Variants in DAB1 observed in about 807,000 individuals in gnomAD.
DAB1 encodes disabled homolog 1.
Under a neutral mutation model 64.6 loss-of-function variants are expected in DAB1, and 15 were observed. The ratio of observed to expected loss-of-function variants is 0.23; its 90% CI spans 0.16 to 0.36. The LOEUF (loss-of-function observed/expected upper bound fraction) is 0.36. DAB1 is among the 10% of genes least tolerant of loss of function. DAB1 has a pLI of 1.00. For synonymous variants in DAB1, 235 were observed against 251.9 expected (o/e 0.93, Z 0.64); for missense variants, 596 against 706.7 (o/e 0.84, Z 1.78).
chr1:57,941,257 T>C (rs1044809616), intron 5 of DAB1, among the ~76,000 whole-genome samples: 1 of 152,222 alleles, frequency 6.6e-6, no homozygotes, highest in Admixed American at 6.5e-5. Context: ...AGATGGTCCA[T>C]AGTTTATAAG....
chr1:57,428,900 TG>T (rs140125107), upstream of DAB1, among the ~76,000 whole-genome samples: 4,947 of 147,506 alleles, frequency 0.034, 141 homozygotes, highest in Non-Finnish European at 0.049. Flanking sequence ...TGATTTTTTT[TG>T]TTGTTGTTGT....
At chr1:58,195,253 G>C (rs939502957) in intron 4 of DAB1, among the ~76,000 whole-genome samples, 4 of 152,146 alleles carry the variant, frequency 2.6e-5, no homozygotes, top group Non-Finnish European at 5.9e-5. Flanking sequence ...GCCCAAAAAT[G>C]AATGCAACGA....
At chr1:57,018,830 A>C (rs1046179608) in intron 11 of DAB1, among the ~76,000 whole-genome samples, 1 of 152,072 alleles carries the variant, frequency 6.6e-6, no homozygotes, top group East Asian at 1.9e-4. Flanking sequence ...CCACCTCTTC[A>C]TCACTATCTT....
At chr1:57,218,513 TCTAAAAAA>T (rs1666597744) in intron 2 of DAB1, among the ~76,000 whole-genome samples, 1 of 68,342 alleles carries the variant, frequency 1.5e-5, no homozygotes, top group Non-Finnish European at 2.3e-5. Flanking sequence ...GACCCCCATC[TCTAAAAAA>T]AAAAAAAAAA....
At chr1:57,084,257 G>A (rs1458376356) in intron 4 of DAB1, among the ~76,000 whole-genome samples, 1 of 152,096 alleles carries the variant, frequency 6.6e-6, no homozygotes, top group African/African-American at 2.4e-5. Flanking sequence ...TGGAGAGAAG[G>A]CCATATACAG....
chr1:57,632,756 T>A (rs1646006173), intron 7 of DAB1, among the ~76,000 whole-genome samples: 1 of 152,156 alleles, frequency 6.6e-6, no homozygotes, highest in Non-Finnish European at 1.5e-5. Context: ...TTATTTAGAA[T>A]GGAGTAAAAT....
At chr1:57,268,415 A>C (rs1670745267) in intron 2 of DAB1, among the ~76,000 whole-genome samples, 1 of 152,244 alleles carries the variant, frequency 6.6e-6, no homozygotes, top group South Asian at 2.1e-4. Context: ...ATATAATGTC[A>C]CTAGAAAATC....
intron 5 of DAB1, among the ~76,000 whole-genome samples, chr1:57,918,807 G>A (rs958009266): frequency 6.6e-6 from 1 of 151,964 alleles, no homozygotes; most frequent in African/African-American, 2.4e-5. Context: ...CTGGTCGACA[G>A]AGCGAGACTC....
At chr1:58,232,476 TACACACACACACACACACACAC>T (rs58863239) in intron 4 of DAB1, among the ~76,000 whole-genome samples, 6 of 144,132 alleles carry the variant, frequency 4.2e-5, no homozygotes, top group Admixed American at 7.0e-5. Flanking sequence ...TCTGAGTGAA[TACACACACACACACACACACAC>T]ACACACACAC....
intron 9 of DAB1, chr1:57,033,362 T>A: frequency 1.2e-6 from 2 of 1,612,240 alleles, no homozygotes; most frequent in Non-Finnish European, 1.7e-6. Flanking sequence ...ACAACCTAAT[T>A]TAACACAAAC....
intron 1 of DAB1, among the ~76,000 whole-genome samples, chr1:57,375,503 C>T (rs544084485): frequency 8.5e-5 from 13 of 152,240 alleles, no homozygotes; most frequent in East Asian, 3.9e-4. Flanking sequence ...AGCTCTTTTA[C>T]GTAGATTAAA....
intron 7 of DAB1, among the ~76,000 whole-genome samples, chr1:57,608,489 C>T (rs1645687755): frequency 1.3e-5 from 2 of 152,174 alleles, no homozygotes; most frequent in South Asian, 2.1e-4. Flanking sequence ...TTTGAATCCT[C>T]ATATCTGAAA....
chr1:57,050,681 T>G (rs1230540389), intron 9 of DAB1, among the ~76,000 whole-genome samples: 1 of 152,224 alleles, frequency 6.6e-6, no homozygotes, highest in Admixed American at 6.5e-5. Context: ...TCCCACACTA[T>G]GCTCTCATAG....
In DAB1 at chr1:57,969,333, T is replaced by C. The variant is rs559216637; in HGVS notation, n.388-85171A>G. Among the ~76,000 whole-genome samples, 5 of 152,174 alleles carry C rather than the reference T, an allele frequency of 3.3e-5. No homozygotes were observed. The East Asian group carries it at 9.7e-4, about 29-fold the overall frequency. On this transcript the variant is annotated intron_variant and non_coding_transcript_variant, in intron 5 of 20. Transcript: ENST00000485760. Reference sequence around the variant, plus strand: ...TGTTAATATATGTATGTTTTTAAAATTTACTTTTATTTATATATATATTTT... The same window carrying C: ...TGTTAATATATGTATGTTTTTAAAACTTACTTTTATTTATATATATATTTT...
intron 3 of DAB1, among the ~76,000 whole-genome samples, chr1:58,349,971 C>G (rs942735180): frequency 4.6e-5 from 7 of 152,016 alleles, no homozygotes; most frequent in African/African-American, 1.7e-4. Context: ...GGGTATATAC[C>G]CAGTAATGGG....
intron 7 of DAB1, among the ~76,000 whole-genome samples, chr1:57,609,752 G>A (rs1645703500): frequency 6.6e-6 from 1 of 152,262 alleles, no homozygotes; most frequent in East Asian, 1.9e-4. Flanking sequence ...ATTTGCTAAA[G>A]TTTCAGCATT....
chr1:57,289,774 T>G (rs1672618154), intron 2 of DAB1, among the ~76,000 whole-genome samples: 1 of 152,112 alleles, frequency 6.6e-6, no homozygotes, highest in Non-Finnish European at 1.5e-5. Context: ...TTTCAAGACC[T>G]GAGAGAGAGC....
At chr1:58,236,274 A>C (rs1212253822) in intron 4 of DAB1, among the ~76,000 whole-genome samples, 1 of 152,168 alleles carries the variant, frequency 6.6e-6, no homozygotes, top group Non-Finnish European at 1.5e-5. Context: ...TCTCCCATGC[A>C]TACAGCCCCA....
chr1:58,005,062 G>GAAAA (rs138023339), intron 5 of DAB1, among the ~76,000 whole-genome samples: 18,597 of 152,044 alleles, frequency 0.12, 1,315 homozygotes, highest in East Asian at 0.22. Context: ...GAGTGAGCTT[G>GAAAA]GGTGTCCCTC....
Sources: gnomAD v4.1 joint callset for allele counts (sites outside exome capture counted in the v4.1 genomes callset) on GRCh38, gnomAD v4.1.1 for gene constraint, MANE v1.5 for transcripts, NCBI Gene and HGNC (gene_info 2026-07-23, HGNC 2026-07-21) for gene names.